TAFA5: variants seen among roughly 807,000 people sequenced by gnomAD.
TAFA5 encodes TAFA chemokine like family member 5.
In TAFA5, 6 loss-of-function variants were observed where a neutral mutation model predicts 15.3. The observed-to-expected ratio is 0.39, with a 90% CI of 0.21 to 0.77. TAFA5 has a LOEUF of 0.77. TAFA5 is among the 30% of genes least tolerant of loss of function. The probability of loss-of-function intolerance (pLI) is 0.41; values close to 1 mark genes in which losing one functional copy is unlikely to be tolerated. For missense variants in TAFA5, 161 were observed against 193.1 expected, an observed-to-expected ratio of 0.83 and a Z score of 0.98; for synonymous variants, 103 against 80.7, an observed-to-expected ratio of 1.28 and a Z score of -1.48.
chr22:48,720,986 G>C (rs960362), intron 3 of TAFA5, among the ~76,000 whole-genome samples: 33,972 of 152,118 alleles, frequency 0.22, 4,040 homozygotes, highest in Admixed American at 0.32. Flanking sequence ...TGAAGACCCC[G>C]GATGAGGAAC....
intron 1 of TAFA5, among the ~76,000 whole-genome samples, chr22:48,512,023 A>G (rs1432118648): frequency 2.0e-5 from 3 of 152,228 alleles, no homozygotes; most frequent in Non-Finnish European, 4.4e-5. Context: ...GAGGGCCACC[A>G]GAAGCTGATG....
intron 1 of TAFA5, among the ~76,000 whole-genome samples, chr22:48,535,185 T>C (rs1049216923): frequency 6.6e-6 from 1 of 152,154 alleles, no homozygotes; most frequent in African/African-American, 2.4e-5. Context: ...GGAACCTTTA[T>C]ACAGGTTTTT....
At chr22:48,609,594 G>T (rs550994728) in intron 1 of TAFA5, among the ~76,000 whole-genome samples, 1 of 152,178 alleles carries the variant, frequency 6.6e-6, no homozygotes, top group Non-Finnish European at 1.5e-5. Context: ...GGCCGCCCCC[G>T]TTTCTCCTGC....
intron 1 of TAFA5, among the ~76,000 whole-genome samples, chr22:48,589,986 CGTGTGTGT>C (rs35969553): frequency 1.4e-4 from 21 of 149,768 alleles, no homozygotes; most frequent in African/African-American, 4.7e-4. Flanking sequence ...TTGCAGCCGA[CGTGTGTGT>C]GTGTGTGTGT....
rs183049667 is a variant in TAFA5, at chr22:48,614,373, C to T, written c.113-32224C>T. On this transcript the variant is annotated intron_variant, in intron 1 of 3. Transcript: ENST00000402357. Reference sequence around the variant, plus strand: ...TTCTTCATTCCTGGATATGTTGATACACAGACGTTTACCCATTCACAGATG... The same window carrying T: ...TTCTTCATTCCTGGATATGTTGATATACAGACGTTTACCCATTCACAGATG... Among the ~76,000 whole-genome samples, 5 of 152,348 alleles carry T rather than the reference C, an allele frequency of 3.3e-5. 1 individual carries two copies. In the East Asian group the frequency reaches 9.7e-4, roughly 29 times the overall value.
intron 1 of TAFA5, chr22:48,547,513 A>G (rs1466520241): frequency 6.6e-6 from 1 of 152,260 alleles, no homozygotes; most frequent in African/African-American, 2.4e-5. Flanking sequence ...GACGGGCACC[A>G]GCCATGGTTG....
rs974029675 is a variant in TAFA5 at position 48,550,766 on chromosome 22, G to A, written c.112+61062G>A. 1.3e-5 allele frequency among the ~76,000 whole-genome samples: 2 copies of A among 152,132 alleles called. No individual in the cohort carries two copies. The highest frequency in any genetic ancestry group is 2.9e-5 in the Non-Finnish European group (2 of 68,020). Reference sequence around the variant, plus strand: ...GGGCCCCCTACTCTGATCCACGGGTGTCTGGGCTCCAGAAAGCTTTCTCTG... The same window carrying A: ...GGGCCCCCTACTCTGATCCACGGGTATCTGGGCTCCAGAAAGCTTTCTCTG... On this transcript the variant is annotated intron_variant, in intron 1 of 3. Coordinates refer to ENST00000402357, the MANE Select transcript of TAFA5 (RefSeq NM_001082967.3). This position sits in a 1 kb window ranked among gnomAD's most constrained non-coding sequence, Gnocchi z 4.1.
Position 48,654,863 on chromosome 22 carries a change from C to T in TAFA5, c.262+8117C>T, listed in dbSNP as rs117925452. Among the ~76,000 whole-genome samples the T allele has an allele frequency of 7.6e-3, 1,162 of 152,036 alleles. 8 individuals carry two copies. The highest frequency in any genetic ancestry group is 0.021 in the South Asian group (99 of 4,810). On this transcript the variant is annotated intron_variant, in intron 2 of 3. Transcript: ENST00000402357. The stretch of plus-strand genomic sequence containing the variant: ...GGGACAGATGTGGGGAGAGCAGGGG[C>T]AAGCAGGGAGCAACCTCCTTATCCC...
chr22:48,593,476 C>T (rs573220663), intron 1 of TAFA5, among the ~76,000 whole-genome samples: 17 of 146,188 alleles, frequency 1.2e-4, no homozygotes, highest in South Asian at 2.2e-4. Context: ...TGTCTGGGCT[C>T]GGGGGGTGTC....
intron 1 of TAFA5, among the ~76,000 whole-genome samples, chr22:48,577,768 G>T (rs1424815249): frequency 6.6e-6 from 1 of 152,176 alleles, no homozygotes; most frequent in African/African-American, 2.4e-5. Context: ...TACAGAGGAG[G>T]GCCAGGTCTG....
At chr22:48,501,260 C>G (rs1369098090) in intron 1 of TAFA5, among the ~76,000 whole-genome samples, 1 of 152,236 alleles carries the variant, frequency 6.6e-6, no homozygotes, top group Non-Finnish European at 1.5e-5. Context: ...CTCCCGGGCA[C>G]CGGGCACCTT....
chr22:48,645,562 A>C (rs1475094430), intron 1 of TAFA5, among the ~76,000 whole-genome samples: 1 of 151,950 alleles, frequency 6.6e-6, no homozygotes, highest in African/African-American at 2.4e-5. Flanking sequence ...ACCACAGGTA[A>C]TCCCAGAGCC....
intron 1 of TAFA5, among the ~76,000 whole-genome samples, chr22:48,491,985 C>G (rs181054522): frequency 2.4e-4 from 36 of 152,268 alleles, no homozygotes; most frequent in African/African-American, 8.2e-4. Flanking sequence ...GTTTCCATCT[C>G]CATGTAATGG....
intron 1 of TAFA5, among the ~76,000 whole-genome samples, chr22:48,580,756 G>T (rs1924007181): frequency 6.6e-6 from 1 of 152,220 alleles, no homozygotes; most frequent in African/African-American, 2.4e-5. Context: ...GCATGGGGCT[G>T]CCCCGGCCGC....
In TAFA5 at chr22:48,740,578, G is replaced by A. The variant is rs17223972; in HGVS notation, c.391-9261G>A. ...TCCTAACGTGGAAGCACGTGGCAGC[G>A]TCGTGGCTTCAGAACCGTCTCAGCG... On this transcript the variant is annotated intron_variant, in intron 3 of 3. Transcript: ENST00000402357. 2.6e-4 allele frequency among the ~76,000 whole-genome samples: 40 copies of A among 152,308 alleles called. No individual in the cohort carries two copies. The East Asian group carries it at 6.4e-3, about 24-fold the overall frequency.
Position 48,738,877 on chromosome 22 carries a change from G to A in TAFA5, c.391-10962G>A, listed in dbSNP as rs6010515. 5.3e-5 allele frequency among the ~76,000 whole-genome samples: 8 copies of A among 152,196 alleles called. No homozygotes were observed. The East Asian group carries it at 1.5e-3, about 29-fold the overall frequency. ...GACCTTGCTGCTGCTCAGAATTCAGGGCCAAGATGGGACGCTGCCTTCATG... is the reference window on the plus strand; with the variant it reads ...GACCTTGCTGCTGCTCAGAATTCAGAGCCAAGATGGGACGCTGCCTTCATG... On this transcript the variant is annotated intron_variant, in intron 3 of 3. Transcript: ENST00000402357.
intron 3 of TAFA5, among the ~76,000 whole-genome samples, chr22:48,728,994 T>G (rs2147265720): frequency 6.6e-6 from 1 of 152,214 alleles, no homozygotes; most frequent in East Asian, 1.9e-4. Context: ...TTCACAAGTG[T>G]ATGCATAGCT....
At chr22:48,572,703 A>G (rs1329512661) in intron 1 of TAFA5, among the ~76,000 whole-genome samples, 1 of 152,200 alleles carries the variant, frequency 6.6e-6, no homozygotes, top group East Asian at 1.9e-4. Flanking sequence ...GATCAATTAT[A>G]TCCACATGCA....
chr22:48,734,843 A>G (rs1484931600), intron 3 of TAFA5, among the ~76,000 whole-genome samples: 2 of 152,172 alleles, frequency 1.3e-5, no homozygotes, highest in Non-Finnish European at 2.9e-5. Flanking sequence ...TCAGCTTTGG[A>G]TTTGGGGAAA....
Sources: gnomAD v4.1 joint callset for allele counts (sites outside exome capture counted in the v4.1 genomes callset) on GRCh38, gnomAD v4.1.1 for gene constraint, Gnocchi (gnomAD v3.1) non-coding constraint, MANE v1.5 for transcripts, NCBI Gene and HGNC (gene_info 2026-07-23, HGNC 2026-07-21) for gene names.